SCHIP1: variants seen among roughly 807,000 people sequenced by gnomAD.
The protein encoded by SCHIP1 is schwannomin interacting protein 1.
SCHIP1 carries 8 observed loss-of-function variants against 29.7 expected under a neutral mutation model. The ratio of observed to expected loss-of-function variants is 0.27; its 90% CI spans 0.16 to 0.49. The LOEUF (loss-of-function observed/expected upper bound fraction) is 0.49. Among genes scored for constraint, SCHIP1 ranks in the 20% least tolerant of loss-of-function variants. The pLI is 0.99. For synonymous variants in SCHIP1, 76 were observed against 94.9 expected, an observed-to-expected ratio of 0.80 and a Z score of 1.16; for missense variants, 193 against 294.6, an observed-to-expected ratio of 0.66 and a Z score of 2.52.
the SCHIP1 span, among the ~76,000 whole-genome samples, chr3:159,663,440 A>G: frequency 2.1e-3 from 314 of 152,190 alleles, no homozygotes; most frequent in African/African-American, 7.3e-3. Flanking sequence ...GGTTGAGGAA[A>G]CACATCCTGC....
At chr3:159,315,665 TC>T in the SCHIP1 span, among the ~76,000 whole-genome samples, 1 of 152,088 alleles carries the variant, frequency 6.6e-6, no homozygotes, top group Non-Finnish European at 1.5e-5. Flanking sequence ...CAGTTAATAG[TC>T]ATGCAAACTT....
At chr3:159,795,817 A>G in the SCHIP1 span, among the ~76,000 whole-genome samples, 5 of 152,208 alleles carry the variant, frequency 3.3e-5, no homozygotes, top group African/African-American at 4.8e-5. Context: ...TCTGGGGACC[A>G]TATGGCCATG....
chr3:159,363,964 T>G, the SCHIP1 span, among the ~76,000 whole-genome samples: 1 of 152,242 alleles, frequency 6.6e-6, no homozygotes, highest in Non-Finnish European at 1.5e-5. Context: ...AAAATGAAAA[T>G]TGAATTTCTT....
the SCHIP1 span, among the ~76,000 whole-genome samples, chr3:159,370,511 C>A: frequency 6.6e-6 from 1 of 152,148 alleles, no homozygotes; most frequent in African/African-American, 2.4e-5. Context: ...CTTGACTGAG[C>A]TAAGGGATGC....
At chr3:159,348,987 G>A in the SCHIP1 span, among the ~76,000 whole-genome samples, 1 of 152,140 alleles carries the variant, frequency 6.6e-6, no homozygotes, top group Admixed American at 6.6e-5. Flanking sequence ...TAAGTAGTCT[G>A]GCTGAGTTTT....
chr3:159,327,794 G>A, the SCHIP1 span, among the ~76,000 whole-genome samples: 4 of 152,200 alleles, frequency 2.6e-5, no homozygotes, highest in African/African-American at 9.6e-5. Context: ...GAAATGAGAG[G>A]CAGAGAAGAA....
At chr3:159,830,085 C>A in the SCHIP1 span, among the ~76,000 whole-genome samples, 1 of 152,146 alleles carries the variant, frequency 6.6e-6, no homozygotes, top group African/African-American at 2.4e-5. Context: ...GAACCATTAC[C>A]ATTTACAACT....
intron 1 of SCHIP1, among the ~76,000 whole-genome samples, chr3:159,842,873 G>A (rs925882139): frequency 4.6e-5 from 7 of 151,574 alleles, no homozygotes; most frequent in African/African-American, 9.7e-5. Context: ...TTATATTGTC[G>A]CCTCTACCCC....
the SCHIP1 span, among the ~76,000 whole-genome samples, chr3:159,532,602 G>GA: frequency 2.6e-5 from 4 of 152,050 alleles, no homozygotes; most frequent in Admixed American, 2.0e-4. Context: ...TTTCATAAAG[G>GA]AAAAAAATGT....
chr3:159,381,395 C>A, the SCHIP1 span, among the ~76,000 whole-genome samples: 1 of 150,818 alleles, frequency 6.6e-6, no homozygotes, highest in Non-Finnish European at 1.5e-5. Flanking sequence ...TTGCATTGTT[C>A]AAAAAAAAAG....
chr3:159,565,345 G>A, the SCHIP1 span, among the ~76,000 whole-genome samples: 14 of 152,118 alleles, frequency 9.2e-5, no homozygotes, highest in African/African-American at 3.1e-4. Context: ...TAAGTCTTTA[G>A]CATTTTCTTC....
At chr3:159,665,133 T>G in the SCHIP1 span, among the ~76,000 whole-genome samples, 3 of 152,194 alleles carry the variant, frequency 2.0e-5, no homozygotes, top group Non-Finnish European at 4.4e-5. Context: ...ATTGGTATTT[T>G]CTGAAAGTTC....
At chr3:159,600,048 T>C in the SCHIP1 span, among the ~76,000 whole-genome samples, 1 of 152,224 alleles carries the variant, frequency 6.6e-6, no homozygotes, top group Non-Finnish European at 1.5e-5. Context: ...CATTCTCTTC[T>C]GGCCTGTAAG....
the SCHIP1 span, among the ~76,000 whole-genome samples, chr3:159,308,230 T>G: frequency 2.0e-5 from 3 of 152,134 alleles, no homozygotes; most frequent in Non-Finnish European, 4.4e-5. Flanking sequence ...TTCCATTTAT[T>G]TGTGTCATCT....
the SCHIP1 span, among the ~76,000 whole-genome samples, chr3:159,454,502 G>T: frequency 1.3e-5 from 2 of 152,162 alleles, no homozygotes; most frequent in Non-Finnish European, 2.9e-5. Context: ...AGTAAAAAGA[G>T]AAATAGGTAT....
chr3:159,296,490 C>T, the SCHIP1 span, among the ~76,000 whole-genome samples: 3 of 152,142 alleles, frequency 2.0e-5, no homozygotes, highest in South Asian at 6.2e-4. Context: ...TCTGCTCTCT[C>T]AGGCTGGGTG....
At chr3:159,741,515 A>G in the SCHIP1 span, among the ~76,000 whole-genome samples, 1 of 152,260 alleles carries the variant, frequency 6.6e-6, no homozygotes, top group African/African-American at 2.4e-5. Context: ...CTCAAACTGC[A>G]TGCCTATTTA....
the SCHIP1 span, among the ~76,000 whole-genome samples, chr3:159,626,166 ATATATCTATCTATC>A: frequency 7.3e-3 from 811 of 111,658 alleles, 83 homozygotes; most frequent in African/African-American, 0.05. Context: ...ATATATCTAG[ATATATCTATCTATC>A]TAGATAGATA....
the SCHIP1 span, among the ~76,000 whole-genome samples, chr3:159,427,227 G>C: frequency 6.6e-6 from 1 of 150,896 alleles, no homozygotes; most frequent in African/African-American, 2.4e-5. Context: ...AGGAAATAAA[G>C]GCTATTCAAT....
Sources: allele counts gnomAD v4.1 joint callset (sites outside exome capture counted in the v4.1 genomes callset), GRCh38; gene constraint gnomAD v4.1.1; transcripts MANE v1.5; gene names NCBI Gene and HGNC (gene_info 2026-07-23, HGNC 2026-07-21).